Variants in STK32B observed in about 807,000 individuals in gnomAD.
The protein encoded by STK32B is serine/threonine kinase 32B, also known as serine/threonine-protein kinase 32B.
Under a neutral mutation model 52.6 loss-of-function variants are expected in STK32B, and 43 were observed. The ratio of observed to expected loss-of-function variants is 0.82; its 90% confidence interval spans 0.64 to 1.05. The LOEUF (loss-of-function observed/expected upper bound fraction) is 1.05. Ranked by LOEUF, STK32B falls within the 50% of genes least tolerant of loss-of-function variation. The probability of loss-of-function intolerance (pLI) is 0.00; values close to 1 mark genes in which losing one functional copy is unlikely to be tolerated. For synonymous variants in STK32B, 238 were observed against 204.3 expected, an observed-to-expected ratio of 1.17 and a Z score of -1.41; for missense variants, 621 against 534.6, an observed-to-expected ratio of 1.16 and a Z score of -1.59.
chr4:5,281,095 GGA>G (rs922897253), intron 3 of STK32B, among the ~76,000 whole-genome samples: 3 of 152,048 alleles, frequency 2.0e-5, no homozygotes, highest in Admixed American at 6.6e-5. Context: ...TGACAGAGCA[GGA>G]GAGAGAGAGG....
the STK32B span, among the ~76,000 whole-genome samples, chr4:5,046,468 C>T: frequency 7.9e-5 from 12 of 152,118 alleles, no homozygotes; most frequent in Non-Finnish European, 4.4e-5. Flanking sequence ...AAAGATTTCA[C>T]GGCTAAAACA....
At chr4:5,111,074 C>T (rs1714377271) in intron 1 of STK32B, among the ~76,000 whole-genome samples, 1 of 152,016 alleles carries the variant, frequency 6.6e-6, no homozygotes, top group African/African-American at 2.4e-5. Flanking sequence ...TATCATCTTA[C>T]ATCAGTCAGC....
At chr4:5,216,401 T>G (rs1035602724) in intron 3 of STK32B, among the ~76,000 whole-genome samples, 1 of 152,152 alleles carries the variant, frequency 6.6e-6, no homozygotes, top group Non-Finnish European at 1.5e-5. Context: ...TGGAACTTAC[T>G]GGACATACAA....
chr4:5,359,712 G>A (rs976410205), intron 4 of STK32B, among the ~76,000 whole-genome samples: 2 of 152,160 alleles, frequency 1.3e-5, no homozygotes, highest in Non-Finnish European at 2.9e-5. Context: ...GGAACTGAGG[G>A]GTGAGGTGGC....
At chr4:5,237,072 C>T (rs1468530456) in intron 3 of STK32B, among the ~76,000 whole-genome samples, 4 of 152,200 alleles carry the variant, frequency 2.6e-5, no homozygotes, top group African/African-American at 7.2e-5. Flanking sequence ...GTGGGGCACA[C>T]GGAGAAAAAA....
At chr4:5,236,984 C>T (rs1289564213) in intron 3 of STK32B, among the ~76,000 whole-genome samples, 1 of 152,140 alleles carries the variant, frequency 6.6e-6, no homozygotes, top group Non-Finnish European at 1.5e-5. Context: ...GTACCAACAT[C>T]CACTGTTCTT....
In STK32B at chr4:5,059,052, C is replaced by CTT. The variant is rs3072775; in HGVS notation, c.52+7165_52+7166dup. Among the ~76,000 whole-genome samples the CTT allele has an allele frequency of 1.0e-2, 866 of 86,882 alleles. 60 individuals are homozygous for CTT. Among genetic ancestry groups the CTT allele is most frequent in the African/African-American group, 0.037 (766 of 20,636 alleles). The allele number at this position is 86,882 out of a possible 152,430, so 57.0% of individuals were successfully genotyped here. On this transcript the variant is annotated intron_variant, in intron 1 of 11. Coordinates refer to ENST00000282908, the MANE Select transcript of STK32B (RefSeq NM_018401.3). ...AGGCGTGAGCCACCACGCCCAGCTG[C>CTT]TTTTTTTTTTTTTTTTTTTTTTTTT... is the stretch of plus-strand genomic sequence containing the variant.
chr4:5,203,045 T>G (rs1228228243), intron 3 of STK32B, among the ~76,000 whole-genome samples: 1 of 152,240 alleles, frequency 6.6e-6, no homozygotes, highest in Non-Finnish European at 1.5e-5. Flanking sequence ...AAATCCCAGC[T>G]CTTCATCTTG....
intron 11 of STK32B, among the ~76,000 whole-genome samples, chr4:5,485,682 G>C (rs184933897): frequency 1.3e-5 from 2 of 152,274 alleles, no homozygotes; most frequent in African/African-American, 4.8e-5. Flanking sequence ...AGAGTTTCTA[G>C]TTTTTCTGCT....
intron 1 of STK32B, among the ~76,000 whole-genome samples, chr4:5,097,002 A>T (rs1024192750): frequency 3.3e-5 from 5 of 152,248 alleles, no homozygotes; most frequent in African/African-American, 1.2e-4. Flanking sequence ...ATCGAAGCTG[A>T]GAAAATAAGA....
At chr4:5,136,959 C>T (rs904901205) in intron 1 of STK32B, among the ~76,000 whole-genome samples, 2 of 152,136 alleles carry the variant, frequency 1.3e-5, no homozygotes, top group Non-Finnish European at 2.9e-5. Context: ...TTGTTAGTTT[C>T]CCCAAAGGAG....
At chr4:5,301,317 T>G (rs942811422) in intron 3 of STK32B, among the ~76,000 whole-genome samples, 8 of 152,102 alleles carry the variant, frequency 5.3e-5, no homozygotes, top group Admixed American at 1.3e-4. Flanking sequence ...CTATTCTATC[T>G]TTTGAAAGAA....
chr4:5,334,406 A>G (rs1305043054), intron 4 of STK32B, among the ~76,000 whole-genome samples: 3 of 152,140 alleles, frequency 2.0e-5, no homozygotes, highest in African/African-American at 7.2e-5. Flanking sequence ...CTAGGTATAC[A>G]ATCATGTCAT....
chr4:5,064,931 A>C (rs1310427070), intron 1 of STK32B, among the ~76,000 whole-genome samples: 1 of 150,502 alleles, frequency 6.6e-6, no homozygotes, highest in Non-Finnish European at 1.5e-5. Flanking sequence ...TTATTTATTG[A>C]TGCAATATTT....
At chr4:5,170,372 A>G (rs1471364980) in intron 3 of STK32B, among the ~76,000 whole-genome samples, 1 of 152,128 alleles carries the variant, frequency 6.6e-6, no homozygotes, top group East Asian at 1.9e-4. Context: ...GGTTTGTTAC[A>G]TATGTATACA....
chr4:5,122,772 C>T (rs918530774), intron 1 of STK32B, among the ~76,000 whole-genome samples: 2 of 152,324 alleles, frequency 1.3e-5, no homozygotes, highest in East Asian at 1.9e-4. Flanking sequence ...GCTGGGCTGA[C>T]TGCATCTGGC....
chr4:5,306,459 T>A (rs1729931917), intron 3 of STK32B, among the ~76,000 whole-genome samples: 1 of 152,120 alleles, frequency 6.6e-6, no homozygotes, highest in Non-Finnish European at 1.5e-5. Context: ...TTAAATAATG[T>A]CCCTCTTTGT....
chr4:5,151,400 T>C (rs759468801), intron 2 of STK32B, among the ~76,000 whole-genome samples: 1 of 152,222 alleles, frequency 6.6e-6, no homozygotes, highest in Non-Finnish European at 1.5e-5. Context: ...TTGCTGTCTG[T>C]CTTTGGCAGT....
intron 4 of STK32B, among the ~76,000 whole-genome samples, chr4:5,397,645 T>C (rs10050048): frequency 0.035 from 5,396 of 152,358 alleles, 152 homozygotes; most frequent in East Asian, 0.084. Context: ...TCTGTGTGTC[T>C]GTGGGTGTGT....
Sources: allele counts gnomAD v4.1 joint callset (sites outside exome capture counted in the v4.1 genomes callset), GRCh38; gene constraint gnomAD v4.1.1; transcripts MANE v1.5; gene names NCBI Gene and HGNC (gene_info 2026-07-23, HGNC 2026-07-21).